The following ABR variants were observed in gnomAD, a reference collection of about 807,000 sequenced individuals.
ABR encodes the protein ABR activator of RhoGEF and GTPase.
Under a neutral mutation model 107.2 loss-of-function variants are expected in ABR, and 35 were observed. That is an observed-to-expected ratio of 0.33 (90% CI 0.25 to 0.43). The LOEUF is 0.43. Ranked by LOEUF, ABR falls within the 20% of genes least tolerant of loss-of-function variation. The pLI, the probability that ABR is intolerant of heterozygous loss-of-function variation, is 1.00. For missense variants in ABR, 815 were observed against 1,115.2 expected, an observed-to-expected ratio of 0.73 and a Z score of 3.83; for synonymous variants, 498 against 462.0, an observed-to-expected ratio of 1.08 and a Z score of -1.00.
chr17:1,120,648 T>G (rs552360880), intron 2 of ABR, among the ~76,000 whole-genome samples: 57 of 148,626 alleles, frequency 3.8e-4, no homozygotes, highest in African/African-American at 1.0e-3. Flanking sequence ...TCTAATCCCC[T>G]GTTTCGATTT....
At chr17:1,192,531 T>C (rs1273567289) in intron 1 of ABR, among the ~76,000 whole-genome samples, 14 of 151,716 alleles carry the variant, frequency 9.2e-5, no homozygotes, top group African/African-American at 2.9e-4. Flanking sequence ...AATCCCAGCA[T>C]TCTGGGAGGC....
Position 1,125,356 on chromosome 17 carries a change from C to G in ABR, c.73G>C (p.Gly25Arg). 2 of 1,613,534 alleles carry G rather than the reference C, an allele frequency of 1.2e-6. No individual in the cohort carries two copies. The highest frequency in any genetic ancestry group is 1.7e-6 in the Non-Finnish European group (2 of 1,179,982). Residue 25 changes from glycine (G) to arginine (R), a missense_variant, in exon 2 of 23, where the codon GGG (glycine) becomes CGG (arginine). This residue lies in a region of ABR where 129 missense variants were observed against 124.8 expected (regional missense o/e 1.03). Coordinates refer to ENST00000302538, the MANE Select transcript of ABR (RefSeq NM_021962.5). ...IDTLYSNFSY[G>R]TDEYDGEGNE... ...CCCTCTCCGTCGTACTCGTCCGTCC[C>G]GTAGCTGAAGTCTGAGACAAGGAAC...
In ABR at chr17:1,118,034, T is replaced by C. The variant is rs1335606314; in HGVS notation, c.246+7149A>G. ...CCTGAGTTCTCCCCAGCGTTATCGC[T>C]GAGCCTGAGTTCCTCCCAGCGTTAT... On this transcript the variant is annotated intron_variant, in intron 2 of 22. Coordinates refer to ENST00000302538, the MANE Select transcript of ABR (RefSeq NM_021962.5). Among the ~76,000 whole-genome samples, 11 of 48,178 alleles carry C rather than the reference T, an allele frequency of 2.3e-4. 2 individuals carry two copies. Among genetic ancestry groups the C allele is most frequent in the Non-Finnish European group, 4.6e-4 (10 of 21,742 alleles). The allele number at this position is 48,178 out of a possible 152,430, so 31.6% of individuals were successfully genotyped here.
At chr17:1,201,860 G>A (rs1479027001) in intron 1 of ABR, among the ~76,000 whole-genome samples, 1 of 152,138 alleles carries the variant, frequency 6.6e-6, no homozygotes, top group African/African-American at 2.4e-5. Flanking sequence ...TGTATGTTTA[G>A]TAGAGATGGG....
intron 3 of ABR, among the ~76,000 whole-genome samples, chr17:1,097,086 G>A (rs997339785): frequency 6.6e-6 from 1 of 152,204 alleles, no homozygotes; most frequent in Non-Finnish European, 1.5e-5. Flanking sequence ...TGTTAGAAAG[G>A]CAGAGCAGGG....
chr17:1,056,877 G>T, intron 13 of ABR, 121 bp downstream of exon 13: 1 of 676,284 alleles, frequency 1.5e-6, no homozygotes, highest in Non-Finnish European at 2.7e-6. Flanking sequence ...AACAGTCTCA[G>T]CACAGCCGAG....
chr17:1,058,958 T>C lies in ABR; in HGVS notation c.1183-91A>G, dbSNP rs1597599496. On this transcript the variant is annotated intron_variant, in intron 10 of 22. Coordinates refer to ENST00000302538, the MANE Select transcript of ABR (RefSeq NM_021962.5). ...CACGACACTCCACTGTGTGTTAACA[T>C]GCTCTTTACATTTTCCGTATTTCGT... is the stretch of plus-strand genomic sequence containing the variant. 3.3e-6 allele frequency: 5 copies of C among 1,525,430 alleles called. No homozygotes were observed. In the East Asian group the frequency reaches 1.1e-4, roughly 35 times the overall value. The allele number at this position is 1,525,430 out of a possible 1,614,324, so 94.5% of individuals were successfully genotyped here.
intron 1 of ABR, among the ~76,000 whole-genome samples, chr17:1,223,904 C>T (rs867154743): frequency 6.6e-6 from 1 of 152,178 alleles, no homozygotes; most frequent in African/African-American, 2.4e-5. Flanking sequence ...CAGGTCCCTC[C>T]CTCGACACGT....
In ABR at chr17:1,072,360, G is replaced by A. The variant is rs184757327; in HGVS notation, c.894+254C>T. 9.2e-5 allele frequency among the ~76,000 whole-genome samples: 14 copies of A among 152,044 alleles called. No individual in the cohort carries two copies. In the East Asian group the frequency reaches 9.7e-4, roughly 11 times the overall value. On this transcript the variant is annotated intron_variant, in intron 8 of 22. Transcript: ENST00000302538. ...GGAGAGGCAGGAGGCACCCGGTGCC[G>A]CCCGTGTGTGAGAGAAGGGGACGAG...
upstream of ABR, among the ~76,000 whole-genome samples, chr17:1,190,288 C>T (rs955573732): frequency 3.9e-5 from 6 of 152,186 alleles, no homozygotes; most frequent in Admixed American, 2.0e-4. Context: ...AAGGGAACTT[C>T]GGTCTCAGTT....
upstream of ABR, among the ~76,000 whole-genome samples, chr17:1,189,884 T>A (rs1263956536): frequency 6.7e-6 from 1 of 150,238 alleles, no homozygotes; most frequent in East Asian, 1.9e-4. Context: ...GCACAAATAG[T>A]TTCAGTGAAT....
chr17:1,109,417 C>A (rs1277720429), intron 2 of ABR, among the ~76,000 whole-genome samples: 7 of 151,954 alleles, frequency 4.6e-5, no homozygotes, highest in Admixed American at 4.6e-4. Flanking sequence ...GGGGCTCGGG[C>A]TCGCGCTCGC....
chr17:1,215,094 C>T (rs1221336085), intron 1 of ABR, among the ~76,000 whole-genome samples: 1 of 151,854 alleles, frequency 6.6e-6, no homozygotes, highest in African/African-American at 2.4e-5. Context: ...ATGGTGTGTG[C>T]CTGTAGTCCC....
chr17:1,044,654 A>T (rs988790790), intron 16 of ABR, among the ~76,000 whole-genome samples: 1 of 151,586 alleles, frequency 6.6e-6, no homozygotes, highest in Non-Finnish European at 1.5e-5. Context: ...CCATCTCAAA[A>T]AAAAAAAAAA....
At chr17:1,082,129 G>C (rs945927400) in intron 5 of ABR, among the ~76,000 whole-genome samples, 3 of 152,056 alleles carry the variant, frequency 2.0e-5, no homozygotes, top group African/African-American at 7.2e-5. Context: ...GGAACACAAA[G>C]GGCCAAGAGG....
Position 1,012,616 on chromosome 17 carries a change from G to T in ABR, c.1961+72C>A. The T allele has an allele frequency of 2.6e-6, 3 of 1,166,852 alleles. No homozygotes were observed. The South Asian group carries it at 3.9e-5, about 15-fold the overall frequency. 72.3% of individuals were successfully genotyped at this position (1,166,852 alleles called of 1,614,324 possible). A position where few individuals can be genotyped will look rare whatever the true frequency, so the allele number is the denominator to read the frequency against. On this transcript the variant is annotated intron_variant, in intron 18 of 22. Coordinates refer to ENST00000302538, the MANE Select transcript of ABR (RefSeq NM_021962.5). ...TGCCAGGATGGGCACCGGCGGGGAG[G>T]GCTGGGGGGCCCGGGCTGGGGGGGA...
intron 1 of ABR, among the ~76,000 whole-genome samples, chr17:1,166,330 G>A (rs547679867): frequency 4.6e-5 from 7 of 152,062 alleles, no homozygotes; most frequent in East Asian, 3.9e-4. Flanking sequence ...CCCAGTCCCC[G>A]GTCCTGATAC....
chr17:1,149,385 CAAAG>C (rs1272420978), intron 1 of ABR, among the ~76,000 whole-genome samples: 4 of 150,492 alleles, frequency 2.7e-5, no homozygotes, highest in Admixed American at 6.6e-5. Flanking sequence ...TTCTGAATTA[CAAAG>C]GAAGATCCCA....
At chr17:1,103,175 C>T (rs1212021175) in intron 2 of ABR, among the ~76,000 whole-genome samples, 2 of 152,158 alleles carry the variant, frequency 1.3e-5, no homozygotes, top group East Asian at 1.9e-4. Context: ...AGGAACTGAG[C>T]TTAGCTATCT....
Sources: allele counts gnomAD v4.1 joint callset (sites outside exome capture counted in the v4.1 genomes callset), GRCh38; gene constraint gnomAD v4.1.1; regional missense constraint gnomAD v4.1.1; transcripts MANE v1.5; gene names NCBI Gene and HGNC (gene_info 2026-07-23, HGNC 2026-07-21).